The following ROBO1 variants were observed in gnomAD, a reference collection of about 807,000 sequenced individuals.
ROBO1 encodes the protein roundabout guidance receptor 1.
A neutral mutation model predicts 195.9 loss-of-function variants in ROBO1; 149 were observed. The observed-to-expected ratio is 0.76, with a 90% confidence interval of 0.67 to 0.87. The LOEUF is 0.87. Among genes scored for constraint, ROBO1 ranks in the 40% least tolerant of loss-of-function variants. ROBO1 has a pLI of 0.00. For missense variants in ROBO1, 1,933 were observed against 2,068.3 expected (o/e 0.93, Z 1.27); for synonymous variants, 816 against 733.2 (o/e 1.11, Z -1.82).
At chr3:79,474,543 T>C (rs1938447665) in intron 2 of ROBO1, among the ~76,000 whole-genome samples, 1 of 152,128 alleles carries the variant, frequency 6.6e-6, no homozygotes, top group Non-Finnish European at 1.5e-5. Flanking sequence ...TAAGTGCTCA[T>C]TGAATGTTAG....
intron 2 of ROBO1, among the ~76,000 whole-genome samples, chr3:79,313,771 A>G (rs2033602696): frequency 6.6e-6 from 1 of 152,182 alleles, no homozygotes. Context: ...CCTGTTGTTA[A>G]GTTACTACAC....
At chr3:79,695,988 G>C (rs900008267) in intron 1 of ROBO1, among the ~76,000 whole-genome samples, 1 of 151,376 alleles carries the variant, frequency 6.6e-6, no homozygotes, top group African/African-American at 2.4e-5. Context: ...TTCCCTTGGG[G>C]AGGGGGTTCT....
chr3:79,631,849 G>C (rs1301267928), intron 1 of ROBO1, among the ~76,000 whole-genome samples: 2 of 151,876 alleles, frequency 1.3e-5, no homozygotes, highest in Non-Finnish European at 2.9e-5. Context: ...AAAAGATATA[G>C]AAGTGGCCAA....
At chr3:78,713,853 T>C (rs2081828935) in intron 8 of ROBO1, among the ~76,000 whole-genome samples, 1 of 152,248 alleles carries the variant, frequency 6.6e-6, no homozygotes, top group African/African-American at 2.4e-5. Context: ...TCAACTGATA[T>C]TTATTGAGTG....
At chr3:79,293,852 A>T (rs2032408711) in intron 2 of ROBO1, among the ~76,000 whole-genome samples, 1 of 151,644 alleles carries the variant, frequency 6.6e-6, no homozygotes, top group Admixed American at 6.6e-5. Flanking sequence ...AGGTCAGGAG[A>T]TCGAGACCAT....
At chr3:79,043,294 C>T (rs1396607061) in intron 3 of ROBO1, among the ~76,000 whole-genome samples, 6 of 152,042 alleles carry the variant, frequency 3.9e-5, no homozygotes, top group Admixed American at 3.3e-4. Context: ...ATTCCATGTC[C>T]TCAAGTGGTC....
At chr3:78,607,991 C>G (rs926711319) in intron 28 of ROBO1, among the ~76,000 whole-genome samples, 1 of 148,696 alleles carries the variant, frequency 6.7e-6, no homozygotes, top group Non-Finnish European at 1.5e-5. Flanking sequence ...ACCAGATAAT[C>G]ACTGGTATAA....
chr3:79,447,566 CATCATGCTTATAA>C (rs2039304041), intron 2 of ROBO1, among the ~76,000 whole-genome samples: 1 of 152,150 alleles, frequency 6.6e-6, no homozygotes, highest in Non-Finnish European at 1.5e-5. Flanking sequence ...TAGATTGTTA[CATCATGCTTATAA>C]AATCTAGGTA....
Position 79,300,844 on chromosome 3 carries a change from G to A in ROBO1, c.89-175305C>T, listed in dbSNP as rs560061118. Among the ~76,000 whole-genome samples, 59 of 152,228 alleles carry A rather than the reference G, an allele frequency of 3.9e-4. 1 individual carries two copies. Among genetic ancestry groups the A allele is most frequent in the African/African-American group, 1.4e-3 (58 of 41,536 alleles). On this transcript the variant is annotated intron_variant, in intron 2 of 30. Transcript: ENST00000464233. ...CAATCGACACTCTGTAGCTACTCAG[G>A]TGGGGCCTTGGAGAACCTTTATGTC...
intron 2 of ROBO1, among the ~76,000 whole-genome samples, chr3:79,225,519 G>GT (rs2082212249): frequency 6.6e-6 from 1 of 152,088 alleles, no homozygotes; most frequent in Non-Finnish European, 1.5e-5. Context: ...ACTTCTTGGA[G>GT]TTTCCTCTCT....
intron 2 of ROBO1, among the ~76,000 whole-genome samples, chr3:79,208,687 ATGTGTGTGTGTGTG>A (rs59970776): frequency 2.8e-5 from 4 of 145,214 alleles, no homozygotes; most frequent in Admixed American, 1.4e-4. Flanking sequence ...GTGGTGGGGC[ATGTGTGTGTGTGTG>A]TGTGTGTGTG....
At chr3:79,057,186 G>A (rs565721751) in intron 3 of ROBO1, among the ~76,000 whole-genome samples, 29 of 152,186 alleles carry the variant, frequency 1.9e-4, no homozygotes, top group Admixed American at 6.5e-4. Context: ...TGCTGGTTAT[G>A]TAGGTCCTAC....
intron 29 of ROBO1, among the ~76,000 whole-genome samples, chr3:78,603,983 G>A (rs1703324653): frequency 6.6e-6 from 1 of 151,830 alleles, no homozygotes; most frequent in Admixed American, 6.6e-5. Context: ...TTCTAAATCT[G>A]CATACAAGAT....
chr3:78,801,113 A>G (rs1249017883), intron 4 of ROBO1, among the ~76,000 whole-genome samples: 2 of 152,120 alleles, frequency 1.3e-5, no homozygotes, highest in Non-Finnish European at 1.5e-5. Context: ...TAGACAATCC[A>G]CCTCGGGCTT....
At position 78,759,256 on chromosome 3, in the gene ROBO1, A is replaced by G. The variant is rs188578499; in HGVS notation, c.500-12356T>C. 459 of 152,454 alleles carry G rather than the reference A, an allele frequency of 3.0e-3. 3 individuals are homozygous for G. Among genetic ancestry groups the G allele is most frequent in the Non-Finnish European group, 2.4e-3 (163 of 68,104 alleles). 9.4% of individuals were successfully genotyped at this position (152,454 alleles called of 1,614,324 possible). ...TAGGGAAATGGTTGGGTATCTGTGAATCTCACAGGGGAAAACATGTAAAGT... is the reference window on the plus strand; with the variant it reads ...TAGGGAAATGGTTGGGTATCTGTGAGTCTCACAGGGGAAAACATGTAAAGT... On this transcript the variant is annotated intron_variant, in intron 4 of 30. Transcript: ENST00000464233.
intron 2 of ROBO1, among the ~76,000 whole-genome samples, chr3:79,483,919 T>A (rs1939005196): frequency 6.6e-6 from 1 of 152,038 alleles, no homozygotes. Flanking sequence ...GAAAGCTTTC[T>A]CAGTGGGAGA....
intron 2 of ROBO1, among the ~76,000 whole-genome samples, chr3:79,168,188 T>C (rs769194275): frequency 1.3e-4 from 20 of 152,134 alleles, no homozygotes; most frequent in Non-Finnish European, 2.8e-4. Context: ...GCTAATTGCG[T>C]ATTCGGAGAA....
intron 1 of ROBO1, among the ~76,000 whole-genome samples, chr3:79,647,486 C>A (rs1945853082): frequency 6.6e-6 from 1 of 152,028 alleles, no homozygotes; most frequent in Non-Finnish European, 1.5e-5. Flanking sequence ...TCTTAATAAT[C>A]TGGGGTAATG....
At chr3:79,144,143 T>C (rs979110693) in intron 2 of ROBO1, among the ~76,000 whole-genome samples, 1 of 152,104 alleles carries the variant, frequency 6.6e-6, no homozygotes, top group African/African-American at 2.4e-5. Flanking sequence ...TTGCCTGTTA[T>C]GAATAAAGCT....
Sources: gnomAD v4.1 joint callset for allele counts (sites outside exome capture counted in the v4.1 genomes callset) on GRCh38, gnomAD v4.1.1 for gene constraint, MANE v1.5 for transcripts, NCBI Gene and HGNC (gene_info 2026-07-23, HGNC 2026-07-21) for gene names.